The following NOL4 variants were observed in gnomAD, a reference collection of about 807,000 sequenced individuals.
NOL4 encodes nucleolar protein 4.
Under a neutral mutation model 75.9 loss-of-function variants are expected in NOL4, and 17 were observed. The observed-to-expected ratio is 0.22, with a 90% CI of 0.15 to 0.34. The LOEUF (loss-of-function observed/expected upper bound fraction) is 0.34. Ranked by LOEUF, NOL4 falls within the 10% of genes least tolerant of loss-of-function variation. The pLI is 1.00. For synonymous variants in NOL4, 292 were observed against 289.9 expected (o/e 1.01, Z -0.07); for missense variants, 614 against 793.5 (o/e 0.77, Z 2.72).
intron 5 of NOL4, among the ~76,000 whole-genome samples, chr18:34,020,792 T>A (rs1172386150): frequency 1.3e-5 from 2 of 152,136 alleles, no homozygotes; most frequent in Admixed American, 6.6e-5. Context: ...TTACATGAAA[T>A]AACATTCTAT....
At chr18:34,129,623 T>C (rs2080543390) in intron 2 of NOL4, among the ~76,000 whole-genome samples, 1 of 151,670 alleles carries the variant, frequency 6.6e-6, no homozygotes, top group Non-Finnish European at 1.5e-5. Flanking sequence ...GACATTTGAT[T>C]GGGACTACCA....
chr18:33,989,326 A>G (rs1326919757), intron 6 of NOL4, among the ~76,000 whole-genome samples: 1 of 151,850 alleles, frequency 6.6e-6, no homozygotes, highest in Non-Finnish European at 1.5e-5. Flanking sequence ...GAATGGTGGC[A>G]TTTGTTAATA....
rs371930149 is a variant in NOL4, at chr18:34,212,582, T to C, written c.264+10408A>G. On this transcript the variant is annotated intron_variant, in intron 1 of 10. Coordinates refer to ENST00000261592, the MANE Select transcript of NOL4 (RefSeq NM_003787.5). ...CTGTGGGTCAGAAGACTGGCATGTTTTAACTGGGTCCTCTGCTCAGGTTCT... is the reference window on the plus strand; with the variant it reads ...CTGTGGGTCAGAAGACTGGCATGTTCTAACTGGGTCCTCTGCTCAGGTTCT... 2.6e-4 allele frequency among the ~76,000 whole-genome samples: 39 copies of C among 152,336 alleles called. No individual in the cohort carries two copies. In the East Asian group the frequency reaches 2.7e-3, roughly 11 times the overall value.
chr18:33,997,406 C>A (rs2073372251), intron 6 of NOL4, among the ~76,000 whole-genome samples: 1 of 151,634 alleles, frequency 6.6e-6, no homozygotes, highest in South Asian at 2.1e-4. Context: ...TTTCTGGGGT[C>A]TCTATTGTTT....
chr18:34,174,307 TA>T (rs869214482), intron 1 of NOL4, among the ~76,000 whole-genome samples: 1 of 25,918 alleles, frequency 3.9e-5, no homozygotes, highest in Non-Finnish European at 6.3e-5. Context: ...TTGCTCTTCA[TA>T]AAAAATTTTA....
chr18:34,203,692 C>CTT, intron 1 of NOL4, among the ~76,000 whole-genome samples: 1 of 81,902 alleles, frequency 1.2e-5, no homozygotes, highest in Non-Finnish European at 2.6e-5. Context: ...CTCCCTCTCT[C>CTT]TCTCTCTCTC....
chr18:34,160,685 AT>A (rs1259365107), intron 1 of NOL4, among the ~76,000 whole-genome samples: 1 of 152,188 alleles, frequency 6.6e-6, no homozygotes, highest in Non-Finnish European at 1.5e-5. Flanking sequence ...GTTTTAAAAA[AT>A]TTTAATTGGC....
At chr18:34,018,538 T>TG in intron 6 of NOL4, among the ~76,000 whole-genome samples, 1 of 152,148 alleles carries the variant, frequency 6.6e-6, no homozygotes, top group Non-Finnish European at 1.5e-5. Flanking sequence ...AGGTAAGGGC[T>TG]GGGGAAGGCA....
chr18:34,077,012 A>G (rs1181820051), intron 5 of NOL4, among the ~76,000 whole-genome samples: 1 of 152,218 alleles, frequency 6.6e-6, no homozygotes, highest in African/African-American at 2.4e-5. Flanking sequence ...TTCTTGCCTT[A>G]GAAAGAAATG....
In NOL4 at chr18:33,883,344, T is replaced by C; in HGVS notation, c.1623A>G (p.Ser541=). 1.2e-6 allele frequency: 2 copies of C among 1,613,432 alleles called. No homozygotes were observed. Among genetic ancestry groups the C allele is most frequent in the Non-Finnish European group, 1.7e-6 (2 of 1,179,586 alleles). The change falls in exon 10 of 11, where the codon TCA becomes TCG. Residue 541 remains serine (S), a synonymous_variant. Coordinates refer to ENST00000261592, the MANE Select transcript of NOL4 (RefSeq NM_003787.5). ...ATYSTSAVPG[S]QDVLYINGNG... is the part of the protein sequence containing the mutation. The stretch of plus-strand genomic sequence containing the variant: ...TTCCATTGATGTACAGCACGTCCTG[T>C]GAGCCTGGAACAGCTGATGTTGAGT...
At chr18:34,116,424 C>G (rs1195530367) in intron 2 of NOL4, among the ~76,000 whole-genome samples, 6 of 152,158 alleles carry the variant, frequency 3.9e-5, no homozygotes, top group Non-Finnish European at 8.8e-5. Context: ...AACTATAAAG[C>G]CAAATACTGG....
chr18:34,137,809 C>CACACACAG (rs58700786), intron 1 of NOL4, among the ~76,000 whole-genome samples: 2 of 150,512 alleles, frequency 1.3e-5, no homozygotes, highest in Non-Finnish European at 3.0e-5. Context: ...CACACACACA[C>CACACACAG]GCACGCACAC....
chr18:33,954,309 T>C (rs780262488), intron 8 of NOL4, among the ~76,000 whole-genome samples: 51 of 152,102 alleles, frequency 3.4e-4, no homozygotes, highest in Non-Finnish European at 5.3e-4. Flanking sequence ...TATTTTTCAA[T>C]TAGTTGATTG....
intron 9 of NOL4, among the ~76,000 whole-genome samples, chr18:33,906,003 C>T (rs2066019869): frequency 6.6e-6 from 1 of 152,158 alleles, no homozygotes; most frequent in Admixed American, 6.5e-5. Context: ...TGACTAACTC[C>T]ATTTTGCTCC....
rs55773398 is a variant in NOL4 at position 34,059,122 on chromosome 18, CATATATAT to C, written c.772+34335_772+34342del. 7.4e-3 allele frequency among the ~76,000 whole-genome samples: 880 copies of C among 118,190 alleles called. 9 individuals are homozygous for C. The highest frequency in any genetic ancestry group is 0.024 in the African/African-American group (767 of 32,486). 77.5% of individuals were successfully genotyped at this position (118,190 alleles called of 152,430 possible). ...ATATATAGAGAGATAGATAGATATA[CATATATAT>C]ATATATATATATATATATATATATA... is the stretch of plus-strand genomic sequence containing the variant. On this transcript the variant is annotated intron_variant, in intron 5 of 10. Transcript: ENST00000261592.
chr18:33,868,088 G>A (rs2063517166), intron 10 of NOL4, among the ~76,000 whole-genome samples: 1 of 150,690 alleles, frequency 6.6e-6, no homozygotes, highest in South Asian at 2.1e-4. Flanking sequence ...CCCATTCTCA[G>A]GTGGAGTGAC....
chr18:34,146,364 T>C (rs1472281018), intron 1 of NOL4, among the ~76,000 whole-genome samples: 3 of 152,114 alleles, frequency 2.0e-5, no homozygotes, highest in Non-Finnish European at 4.4e-5. Flanking sequence ...TTTTAAGTCT[T>C]ACATCTAAGT....
chr18:34,015,879 T>C (rs1052806653), intron 6 of NOL4, among the ~76,000 whole-genome samples: 1 of 152,152 alleles, frequency 6.6e-6, no homozygotes, highest in African/African-American at 2.4e-5. Context: ...CTTGGAGTCA[T>C]TCTAGAATGT....
Position 33,852,788 on chromosome 18 carries a change from G to GTCA in NOL4, c.*51_*53dup. The GTCA allele has an allele frequency of 1.4e-6, 2 of 1,463,284 alleles. No individual in the cohort carries two copies. The highest frequency in any genetic ancestry group is 1.9e-6 in the Non-Finnish European group (2 of 1,064,464). The allele number at this position is 1,463,284 out of a possible 1,614,324, so 90.6% of individuals were successfully genotyped here. On this transcript the variant is annotated 3_prime_UTR_variant, in exon 11 of 11. Coordinates refer to ENST00000261592, the MANE Select transcript of NOL4 (RefSeq NM_003787.5). Reference sequence around the variant, plus strand: ...AGTATCTCTGTTGGGAAATCAAAATGTCATTAGTGGAAACTGCAAATTTAG... The same window carrying GTCA: ...AGTATCTCTGTTGGGAAATCAAAATGTCATCATTAGTGGAAACTGCAAATTTAG...
Sources: allele counts gnomAD v4.1 joint callset (sites outside exome capture counted in the v4.1 genomes callset), GRCh38; gene constraint gnomAD v4.1.1; transcripts MANE v1.5; gene names NCBI Gene and HGNC (gene_info 2026-07-23, HGNC 2026-07-21).